ITPR2: variants seen among roughly 807,000 people sequenced by gnomAD.
ITPR2 encodes the protein inositol 1,4,5-trisphosphate-gated calcium channel ITPR2.
ITPR2 carries 207 observed loss-of-function variants against 317.1 expected under a neutral mutation model. The ratio of observed to expected loss-of-function variants is 0.65; its 90% CI spans 0.58 to 0.73. ITPR2 has a LOEUF of 0.73. ITPR2 is among the 30% of genes least tolerant of loss of function. The pLI is 0.00. For missense variants in ITPR2, 2,613 were observed against 3,284.0 expected, an observed-to-expected ratio of 0.80 and a Z score of 4.99; for synonymous variants, 1,156 against 1,149.1, an observed-to-expected ratio of 1.01 and a Z score of -0.12.
At chr12:26,832,126 G>A (rs1485470617) in intron 1 of ITPR2, among the ~76,000 whole-genome samples, 4 of 151,998 alleles carry the variant, frequency 2.6e-5, no homozygotes, top group African/African-American at 4.8e-5. Context: ...CCAGTGGGGC[G>A]AGTCCTGGTT....
chr12:26,673,707 G>T (rs1402385217), intron 13 of ITPR2, among the ~76,000 whole-genome samples: 1 of 151,140 alleles, frequency 6.6e-6, no homozygotes, highest in South Asian at 2.1e-4. Context: ...CAATTAGGCA[G>T]GAGAAGAAAA....
At chr12:26,536,412 T>C (rs965739606) in intron 37 of ITPR2, among the ~76,000 whole-genome samples, 5 of 151,956 alleles carry the variant, frequency 3.3e-5, no homozygotes, top group Non-Finnish European at 5.9e-5. Context: ...TGCTCAACAG[T>C]AGAACTCGAG....
At chr12:26,373,122 G>A (rs1451106158) in intron 55 of ITPR2, among the ~76,000 whole-genome samples, 1 of 152,200 alleles carries the variant, frequency 6.6e-6, no homozygotes, top group African/African-American at 2.4e-5. Flanking sequence ...AATGGAAATA[G>A]TCAAATCTGG....
chr12:26,794,563 G>A (rs191534247), intron 1 of ITPR2, among the ~76,000 whole-genome samples: 3 of 152,112 alleles, frequency 2.0e-5, no homozygotes, highest in East Asian at 1.9e-4. Context: ...TATATTCCCC[G>A]TGATGAGATA....
chr12:26,811,446 T>TA (rs1047034457), intron 1 of ITPR2, among the ~76,000 whole-genome samples: 8 of 147,546 alleles, frequency 5.4e-5, no homozygotes, highest in African/African-American at 2.0e-4. Context: ...CCATCTCTAC[T>TA]AAAAAATACA....
At position 26,831,799 on chromosome 12, in the gene ITPR2, A is replaced by ATACATAAAATATATAAATATATATTC. The variant is rs1565795082; in HGVS notation, c.92+890_92+891insGAATATATATTTATATATTTTATGTA. ...TACATAAAATATATAAATATATATT[A>ATACATAAAATATATAAATATATATTC]TACATAAAATATATAAATATATATT... On this transcript the variant is annotated intron_variant, in intron 1 of 56. Coordinates refer to ENST00000381340, the MANE Select transcript of ITPR2 (RefSeq NM_002223.4). The surrounding 1 kb of genome is among the most constrained non-coding windows in gnomAD (Gnocchi z 4.9). Among the ~76,000 whole-genome samples, 259 of 117,418 alleles carry ATACATAAAATATATAAATATATATTC rather than the reference A, an allele frequency of 2.2e-3. No individual in the cohort carries two copies. Among genetic ancestry groups the ATACATAAAATATATAAATATATATTC allele is most frequent in the South Asian group, 4.9e-3 (19 of 3,868 alleles). The allele number at this position is 117,418 out of a possible 152,430, so 77.0% of individuals were successfully genotyped here.
chr12:26,771,389 T>C lies in ITPR2; in HGVS notation c.163+18768A>G, dbSNP rs116978059. Among the ~76,000 whole-genome samples, 541 of 152,344 alleles carry C rather than the reference T, an allele frequency of 3.6e-3. 1 individual carries two copies. The highest frequency in any genetic ancestry group is 6.8e-3 in the Non-Finnish European group (463 of 68,024). ...AACCTTGGAAGCCACGTGCTGCGAATGACAGAGCTGCCAAGATGGTCCCGG... is the reference window on the plus strand; with the variant it reads ...AACCTTGGAAGCCACGTGCTGCGAACGACAGAGCTGCCAAGATGGTCCCGG... On this transcript the variant is annotated intron_variant, in intron 2 of 56. Coordinates refer to ENST00000381340, the MANE Select transcript of ITPR2 (RefSeq NM_002223.4).
chr12:26,719,720 A>C (rs535326899), intron 5 of ITPR2, among the ~76,000 whole-genome samples: 2 of 152,176 alleles, frequency 1.3e-5, no homozygotes, highest in Non-Finnish European at 2.9e-5. Context: ...GTCATTTAGC[A>C]TTAGGTATAT....
chr12:26,587,735 TTCTCCTCCA>T (rs1434061782), intron 32 of ITPR2, among the ~76,000 whole-genome samples: 1 of 152,156 alleles, frequency 6.6e-6, no homozygotes, highest in Non-Finnish European at 1.5e-5. Context: ...CTTCATCCCT[TTCTCCTCCA>T]TCTCCTCCAC....
At chr12:26,459,559 G>A (rs552001692) in intron 45 of ITPR2, among the ~76,000 whole-genome samples, 55 of 152,320 alleles carry the variant, frequency 3.6e-4, no homozygotes, top group South Asian at 2.7e-3. Flanking sequence ...CTCGTTTATT[G>A]AGTTCTTGAG....
chr12:26,366,866 T>C (rs1939029427), intron 55 of ITPR2, among the ~76,000 whole-genome samples: 1 of 152,150 alleles, frequency 6.6e-6, no homozygotes, highest in African/African-American at 2.4e-5. Flanking sequence ...CTTTCCACAG[T>C]GAAGAGAAGA....
In ITPR2 at chr12:26,602,089, G is replaced by A. The variant is rs188860446; in HGVS notation, c.3678+281C>T. Among the ~76,000 whole-genome samples, 165 of 152,150 alleles carry A rather than the reference G, an allele frequency of 1.1e-3. 1 individual carries two copies. Among genetic ancestry groups the A allele is most frequent in the Non-Finnish European group, 1.9e-3 (127 of 67,980 alleles). On this transcript the variant is annotated intron_variant, in intron 28 of 56. Transcript: ENST00000381340. ...CTGAAGTGGATCTTTTTTTCAAGTC[G>A]AAAACAATTGGGACAAAGGGAGAAA...
intron 21 of ITPR2, among the ~76,000 whole-genome samples, chr12:26,637,727 T>G (rs1946894172): frequency 6.6e-6 from 1 of 152,230 alleles, no homozygotes. Context: ...TCCATTATAG[T>G]GGTCACCACC....
intron 8 of ITPR2, among the ~76,000 whole-genome samples, chr12:26,711,711 A>G (rs1450923165): frequency 1.3e-5 from 2 of 152,224 alleles, no homozygotes; most frequent in African/African-American, 4.8e-5. Flanking sequence ...GAAATAAGTA[A>G]GATTTGACAA....
chr12:26,650,716 T>C (rs1947230257), intron 21 of ITPR2, among the ~76,000 whole-genome samples: 1 of 152,182 alleles, frequency 6.6e-6, no homozygotes, highest in South Asian at 2.1e-4. Flanking sequence ...AATAATTTAG[T>C]TTAGATTGAA....
intron 20 of ITPR2, 102 bp from the exon 21 acceptor site, chr12:26,654,228 A>G: frequency 1.1e-6 from 1 of 898,866 alleles, no homozygotes; most frequent in Non-Finnish European, 1.7e-6. Flanking sequence ...AAATTAGCAC[A>G]GCAATTTCTA....
intron 37 of ITPR2, among the ~76,000 whole-genome samples, chr12:26,539,192 C>T (rs761411729): frequency 9.9e-5 from 15 of 152,154 alleles, no homozygotes; most frequent in Non-Finnish European, 2.1e-4. Flanking sequence ...TTATCCAGAG[C>T]CTTTCTATTC....
chr12:26,450,768 G>A (rs374857904), intron 45 of ITPR2, among the ~76,000 whole-genome samples: 3 of 152,150 alleles, frequency 2.0e-5, no homozygotes, highest in Non-Finnish European at 4.4e-5. Context: ...CAGAAGACAC[G>A]TGAAGGGCTG....
intron 37 of ITPR2, among the ~76,000 whole-genome samples, chr12:26,509,958 TTGTGTGTGTGTGTG>T (rs56063133): frequency 0.012 from 653 of 53,278 alleles, 11 homozygotes; most frequent in African/African-American, 0.035. Context: ...GATAAGGGTT[TTGTGTGTGTGTGTG>T]TGTGTGTGTG....
Sources: allele counts gnomAD v4.1 joint callset (sites outside exome capture counted in the v4.1 genomes callset), GRCh38; gene constraint gnomAD v4.1.1; non-coding constraint Gnocchi (gnomAD v3.1); transcripts MANE v1.5; gene names NCBI Gene and HGNC (gene_info 2026-07-23, HGNC 2026-07-21).